Variants in ADAMTS10 observed in about 807,000 individuals in gnomAD.
The protein encoded by ADAMTS10 is A disintegrin and metalloproteinase with thrombospondin motifs 10.
ADAMTS10 carries 48 observed loss-of-function variants against 135.9 expected under a neutral mutation model. That is an observed-to-expected ratio of 0.35 (90% CI 0.28 to 0.45). The LOEUF (loss-of-function observed/expected upper bound fraction) is 0.45. ADAMTS10 is among the 20% of genes least tolerant of loss of function. The pLI is 1.00. For synonymous variants in ADAMTS10, 621 were observed against 647.5 expected (o/e 0.96, Z 0.62); for missense variants, 1,131 against 1,565.2 (o/e 0.72, Z 4.68).
Position 8,591,787 on chromosome 19 carries a change from TG to T in ADAMTS10, c.1797+12del. On this transcript the variant is annotated intron_variant, in intron 15 of 25. Transcript: ENST00000597188. Reference sequence around the variant, plus strand: ...TCCTCCCCCCACCCCTCAAGGGGTTTGGGGGAACTCACATCCGTGTTGCAGG... The same window carrying T: ...TCCTCCCCCCACCCCTCAAGGGGTTTGGGGAACTCACATCCGTGTTGCAGG... 1 of 1,613,576 alleles carries T rather than the reference TG, an allele frequency of 6.2e-7. No individual in the cohort carries two copies. Among genetic ancestry groups the T allele is most frequent in the Non-Finnish European group, 8.5e-7 (1 of 1,179,928 alleles).
chr19:8,608,839 G>A (rs1555743015), intron 1 of ADAMTS10, among the ~76,000 whole-genome samples: 2 of 151,996 alleles, frequency 1.3e-5, no homozygotes, highest in African/African-American at 4.8e-5. Flanking sequence ...TTGGGACATT[G>A]TGGAAGGACC....
At position 8,595,206 on chromosome 19, in the gene ADAMTS10, G is replaced by A. The variant is rs1184546155; in HGVS notation, c.1479+556C>T. Reference sequence around the variant, plus strand: ...CAGCAGGTCTTCAGCTTCCTGGGGGGAGCTGGGAGTGGAACCTCCTGCCCC... The same window carrying A: ...CAGCAGGTCTTCAGCTTCCTGGGGGAAGCTGGGAGTGGAACCTCCTGCCCC... On this transcript the variant is annotated intron_variant, in intron 12 of 25. Coordinates refer to ENST00000597188, the MANE Select transcript of ADAMTS10 (RefSeq NM_030957.4). 5.3e-5 allele frequency among the ~76,000 whole-genome samples: 8 copies of A among 152,200 alleles called. No homozygotes were observed. In the East Asian group the frequency reaches 1.5e-3, roughly 29 times the overall value.
chr19:8,606,004 G>A (rs566052242), intron 2 of ADAMTS10, among the ~76,000 whole-genome samples, 195 bp from the exon 3 acceptor site: 3 of 152,316 alleles, frequency 2.0e-5, no homozygotes, highest in South Asian at 2.1e-4. Flanking sequence ...CAGGGACTGG[G>A]ACGCTGGGAG....
At chr19:8,604,868 G>T in intron 4 of ADAMTS10, 144 bp downstream of exon 4, 1 of 904,960 alleles carries the variant, frequency 1.1e-6, no homozygotes, top group Non-Finnish European at 1.7e-6. Context: ...TACTGCTTTA[G>T]CTGCATCCCC....
Position 8,596,232 on chromosome 19 carries a change from G to A in ADAMTS10, c.1191-13C>T, listed in dbSNP as rs782001797. The A allele has an allele frequency of 4.3e-6, 7 of 1,613,664 alleles. No individual in the cohort carries two copies. Among genetic ancestry groups the A allele is most frequent in the Non-Finnish European group, 5.9e-6 (7 of 1,180,020 alleles). On this transcript the variant is annotated splice_polypyrimidine_tract_variant and intron_variant, in intron 10 of 25. Coordinates refer to ENST00000597188, the MANE Select transcript of ADAMTS10 (RefSeq NM_030957.4). This position sits in a 1 kb window ranked among gnomAD's most constrained non-coding sequence, Gnocchi z 7.2. ...GTTCATGCCGAATCTGGGGAAAGGG[G>A]TGTCGGCTCTGCCGGGCGCTGAGGG...
At chr19:8,607,754 C>T (rs1173000277) in intron 2 of ADAMTS10, among the ~76,000 whole-genome samples, 9 of 151,850 alleles carry the variant, frequency 5.9e-5, no homozygotes, top group African/African-American at 2.2e-4. Flanking sequence ...ATTCTGTGAC[C>T]CCTGTTGCAC....
At chr19:8,586,919 C>T (rs1179846602) in intron 18 of ADAMTS10, 23 bp from the exon 19 acceptor site, 3 of 1,613,818 alleles carry the variant, frequency 1.9e-6, no homozygotes, top group Non-Finnish European at 1.7e-6. Flanking sequence ...GCTCAGATGT[C>T]ACCCACTTGG....
At chr19:8,597,393 A>T in intron 6 of ADAMTS10, 76 bp from the exon 7 acceptor site, 1 of 1,342,026 alleles carries the variant, frequency 7.5e-7, no homozygotes, top group Non-Finnish European at 1.0e-6. Context: ...AAACAATGAT[A>T]ACAGCTTGCT....
At chr19:8,594,062 T>A (rs1568400251) in intron 12 of ADAMTS10, among the ~76,000 whole-genome samples, 1 of 152,196 alleles carries the variant, frequency 6.6e-6, no homozygotes, top group Non-Finnish European at 1.5e-5. Flanking sequence ...TCAGACTGTG[T>A]CCTCTTGGCC....
At chr19:8,607,524 C>CCCT (rs782642542) in intron 2 of ADAMTS10, among the ~76,000 whole-genome samples, 1 of 152,142 alleles carries the variant, frequency 6.6e-6, no homozygotes, top group Non-Finnish European at 1.5e-5. Flanking sequence ...GCTGTCTCCA[C>CCCT]CCTCCTCCTC....
At chr19:8,595,981 C>G in intron 11 of ADAMTS10, 78 bp from the exon 12 acceptor site, 5 of 1,613,784 alleles carry the variant, frequency 3.1e-6, no homozygotes, top group Non-Finnish European at 4.2e-6. Context: ...GATGGGGGTC[C>G]CAGGGAGCAT....
Position 8,596,744 on chromosome 19 carries a change from AATGC to A in ADAMTS10, c.1041-163_1041-160del, listed in dbSNP as rs1378179634. Among the ~76,000 whole-genome samples the A allele has an allele frequency of 1.3e-5, 2 of 152,036 alleles. No homozygotes were observed. Among genetic ancestry groups the A allele is most frequent in the Admixed American group, 6.5e-5 (1 of 15,270 alleles). ...GAGTGACTGACCACATGAATGAATGAATGCATGCATGCATGCATGAGTGGGAGAA... is the reference window on the plus strand; with the variant it reads ...GAGTGACTGACCACATGAATGAATGAATGCATGCATGCATGAGTGGGAGAA... On this transcript the variant is annotated intron_variant, in intron 8 of 25. Transcript: ENST00000597188. This position sits in a 1 kb window ranked among gnomAD's most constrained non-coding sequence, Gnocchi z 7.2.
chr19:8,584,792 C>T, intron 25 of ADAMTS10, 103 bp downstream of exon 25: 1 of 1,466,470 alleles, frequency 6.8e-7, no homozygotes, highest in Non-Finnish European at 9.3e-7. Flanking sequence ...AATGCATTTC[C>T]GAGGTTCCAG....
intron 4 of ADAMTS10, among the ~76,000 whole-genome samples, chr19:8,604,101 A>C (rs2042695097): frequency 6.6e-6 from 1 of 150,996 alleles, no homozygotes; most frequent in Non-Finnish European, 1.5e-5. Flanking sequence ...TCCAGGCTGG[A>C]GTGCAGTGGT....
At chr19:8,581,945 C>T (rs1038018016) in intron 25 of ADAMTS10, among the ~76,000 whole-genome samples, 8 of 148,406 alleles carry the variant, frequency 5.4e-5, no homozygotes, top group African/African-American at 1.5e-4. Context: ...GCTGGAGGAT[C>T]GCTTGAGCCC....
In ADAMTS10 at chr19:8,586,730, C is replaced by A; in HGVS notation, c.2240-9G>T. 6.2e-7 allele frequency: 1 copy of A among 1,614,070 alleles called. No individual in the cohort carries two copies. Among genetic ancestry groups the A allele is most frequent in the Non-Finnish European group, 8.5e-7 (1 of 1,179,986 alleles). ...CTGGTCTCCCTTCAGGGCTGGGGGA[C>A]GATGCAGGGTTCAGAATTCTAGTCA... On this transcript the variant is annotated splice_polypyrimidine_tract_variant and intron_variant, in intron 19 of 25. Coordinates refer to ENST00000597188, the MANE Select transcript of ADAMTS10 (RefSeq NM_030957.4).
rs1241808179 is a variant in ADAMTS10 at position 8,606,176 on chromosome 19, T to C, written c.-99-367A>G. On this transcript the variant is annotated intron_variant, in intron 2 of 25. Coordinates refer to ENST00000597188, the MANE Select transcript of ADAMTS10 (RefSeq NM_030957.4). Reference sequence around the variant, plus strand: ...CCTGGGCTCAAATAATCCTCCTGCTTCAGCCTCCCAAGTAGCTGAGATTGC... The same window carrying C: ...CCTGGGCTCAAATAATCCTCCTGCTCCAGCCTCCCAAGTAGCTGAGATTGC... Among the ~76,000 whole-genome samples, 4 of 152,178 alleles carry C rather than the reference T, an allele frequency of 2.6e-5. No individual in the cohort carries two copies. The East Asian group carries it at 7.7e-4, about 29-fold the overall frequency.
intron 6 of ADAMTS10, 129 bp from the exon 7 acceptor site, chr19:8,597,446 G>T: frequency 2.4e-6 from 2 of 818,564 alleles, no homozygotes; most frequent in Non-Finnish European, 4.0e-6. Flanking sequence ...GGCTAAACCT[G>T]CTATTAGGGT....
intron 11 of ADAMTS10, 41 bp from the exon 12 acceptor site, chr19:8,595,944 A>C: frequency 6.2e-7 from 1 of 1,614,078 alleles, no homozygotes; most frequent in Non-Finnish European, 8.5e-7. Context: ...AGGTGGCTGC[A>C]AATCAAGAGC....
Sources: gnomAD v4.1 joint callset for allele counts (sites outside exome capture counted in the v4.1 genomes callset) on GRCh38, gnomAD v4.1.1 for gene constraint, Gnocchi (gnomAD v3.1) non-coding constraint, MANE v1.5 for transcripts, NCBI Gene and HGNC (gene_info 2026-07-23, HGNC 2026-07-21) for gene names.